The following PTPRK variants were observed in gnomAD, a reference collection of about 807,000 sequenced individuals.
The protein encoded by PTPRK is receptor-type tyrosine-protein phosphatase kappa.
A neutral mutation model predicts 178.0 loss-of-function variants in PTPRK; 75 were observed. The observed-to-expected ratio is 0.42, with a 90% CI of 0.35 to 0.51. The LOEUF (loss-of-function observed/expected upper bound fraction) is 0.51, where lower values mean the gene tolerates loss of function less well. PTPRK is among the 20% of genes least tolerant of loss of function. The pLI is 0.02. For missense variants in PTPRK, 1,441 were observed against 1,797.8 expected (o/e 0.80, Z 3.59); for synonymous variants, 637 against 620.6 (o/e 1.03, Z -0.39).
chr6:128,060,617 G>C (rs1278347363), intron 13 of PTPRK, among the ~76,000 whole-genome samples: 1 of 152,102 alleles, frequency 6.6e-6, no homozygotes, highest in Non-Finnish European at 1.5e-5. Context: ...TGATTACAAT[G>C]AAAAGACAAT....
intron 1 of PTPRK, among the ~76,000 whole-genome samples, chr6:128,403,263 A>G (rs1181386824): frequency 1.3e-5 from 2 of 152,232 alleles, no homozygotes; most frequent in Non-Finnish European, 2.9e-5. Context: ...ATAAGACTGA[A>G]TTATCCAGAA....
chr6:128,219,435 T>C (rs1340901259), intron 5 of PTPRK, among the ~76,000 whole-genome samples: 5 of 152,158 alleles, frequency 3.3e-5, no homozygotes, highest in Admixed American at 6.5e-5. Flanking sequence ...CAGTTCACAG[T>C]AGAGTTCGTG....
chr6:128,449,821 T>C (rs1214259307), intron 1 of PTPRK, among the ~76,000 whole-genome samples: 1 of 151,692 alleles, frequency 6.6e-6, no homozygotes, highest in Non-Finnish European at 1.5e-5. Context: ...GCTGGCTGGG[T>C]GCGGTGGCTC....
intron 2 of PTPRK, among the ~76,000 whole-genome samples, chr6:128,328,249 G>A (rs567780342): frequency 1.4e-4 from 21 of 152,148 alleles, no homozygotes; most frequent in Non-Finnish European, 2.8e-4. Flanking sequence ...AGGGTCAAGT[G>A]CTACTATGAC....
chr6:127,980,917 A>G (rs1044130818), intron 25 of PTPRK, among the ~76,000 whole-genome samples, 199 bp downstream of exon 25: 8 of 152,226 alleles, frequency 5.3e-5, no homozygotes, highest in African/African-American at 1.9e-4. Context: ...TCTACAATAA[A>G]GCTATAAAAA....
chr6:128,069,034 G>C (rs115229512), intron 11 of PTPRK, among the ~76,000 whole-genome samples: 5,386 of 151,964 alleles, frequency 0.035, 245 homozygotes, highest in African/African-American at 0.091. Context: ...AAACAGTTTA[G>C]ACTCTGGCAT....
intron 2 of PTPRK, among the ~76,000 whole-genome samples, chr6:128,360,132 C>G (rs911921773): frequency 3.3e-5 from 5 of 152,114 alleles, no homozygotes; most frequent in Admixed American, 2.0e-4. Flanking sequence ...TTTAAGACAA[C>G]CCATGATCTT....
chr6:128,398,950 A>G lies in PTPRK; in HGVS notation c.101-1262T>C, dbSNP rs560186756. Reference sequence around the variant, plus strand: ...CGATGTGTACAGGCACACACGACTCAACATATTTAGTTTATTCAAATCATG... The same window carrying G: ...CGATGTGTACAGGCACACACGACTCGACATATTTAGTTTATTCAAATCATG... On this transcript the variant is annotated intron_variant, in intron 1 of 29. Coordinates refer to ENST00000368226, the MANE Select transcript of PTPRK (RefSeq NM_002844.4). Among the ~76,000 whole-genome samples the G allele has an allele frequency of 2.5e-3, 388 of 152,350 alleles. 12 individuals are homozygous for G. In the South Asian group the frequency reaches 0.074, roughly 29 times the overall value.
At chr6:128,414,507 G>A (rs1461155052) in intron 1 of PTPRK, among the ~76,000 whole-genome samples, 1 of 152,158 alleles carries the variant, frequency 6.6e-6, no homozygotes, top group East Asian at 1.9e-4. Context: ...TTTAAAGAGA[G>A]CAGCTATTGT....
intron 15 of PTPRK, among the ~76,000 whole-genome samples, chr6:128,001,850 C>G (rs1777870860): frequency 6.6e-6 from 1 of 151,760 alleles, no homozygotes; most frequent in Non-Finnish European, 1.5e-5. Context: ...CCAATTAGTT[C>G]TCAATATTTT....
At chr6:128,386,311 A>T (rs1251416016) in intron 2 of PTPRK, among the ~76,000 whole-genome samples, 1 of 152,226 alleles carries the variant, frequency 6.6e-6, no homozygotes, top group Non-Finnish European at 1.5e-5. Context: ...ACATATGATA[A>T]GCTCACCAAA....
chr6:128,241,246 A>C (rs778900139), intron 4 of PTPRK: 1 of 533,398 alleles, frequency 1.9e-6, no homozygotes, highest in Non-Finnish European at 3.8e-6. Flanking sequence ...ATTTAAAATA[A>C]GGAATTCTTG....
chr6:128,360,354 A>G (rs569394111), intron 2 of PTPRK, among the ~76,000 whole-genome samples: 23 of 152,240 alleles, frequency 1.5e-4, no homozygotes, highest in African/African-American at 4.8e-4. Flanking sequence ...ATGAGACACT[A>G]ATGTTCTTAA....
intron 3 of PTPRK, among the ~76,000 whole-genome samples, chr6:128,265,718 T>C (rs1209987258): frequency 1.3e-5 from 2 of 152,178 alleles, no homozygotes; most frequent in African/African-American, 2.4e-5. Context: ...TTTGAATCTC[T>C]AAGGTGGTAC....
intron 13 of PTPRK, among the ~76,000 whole-genome samples, chr6:128,038,191 C>T (rs956155873): frequency 2.0e-5 from 3 of 152,024 alleles, no homozygotes; most frequent in Admixed American, 2.0e-4. Flanking sequence ...GGAAGAGATG[C>T]AGCAATTTTT....
At position 128,397,708 on chromosome 6, in the gene PTPRK, C is replaced by T. The variant is rs763441890; in HGVS notation, c.101-20G>A. The T allele has an allele frequency of 1.2e-6, 2 of 1,610,202 alleles. No individual in the cohort carries two copies. ...AGCCACCTAGGAGAAAAGAAGACTA[C>T]TGTTACATTCTAAACAGATTTTCCA... On this transcript the variant is annotated intron_variant, in intron 1 of 29. Transcript: ENST00000368226.
At chr6:128,367,239 G>T (rs528757300) in intron 2 of PTPRK, among the ~76,000 whole-genome samples, 11 of 152,128 alleles carry the variant, frequency 7.2e-5, no homozygotes, top group Admixed American at 2.0e-4. Flanking sequence ...CTGCATGCTG[G>T]TTTTCCAACA....
intron 1 of PTPRK, among the ~76,000 whole-genome samples, chr6:128,492,521 CTTAT>C (rs148817687): frequency 0.012 from 1,819 of 152,204 alleles, 34 homozygotes; most frequent in African/African-American, 0.042. Flanking sequence ...GAGCTTGAAA[CTTAT>C]TTGTCTTTTA....
rs540824407 is a variant in PTPRK at position 128,098,246 on chromosome 6, T to C, written c.1163-8254A>G. 6.0e-4 allele frequency among the ~76,000 whole-genome samples: 92 copies of C among 152,286 alleles called. 1 individual carries two copies. Among genetic ancestry groups the C allele is most frequent in the African/African-American group, 2.1e-3 (88 of 41,560 alleles). On this transcript the variant is annotated intron_variant, in intron 7 of 29. Transcript: ENST00000368226. ...TGAAATAATTCCAATTATTCATTTC[T>C]TCTTGTTGTCACACTGTTTGCCATG...
Sources: allele counts gnomAD v4.1 joint callset (sites outside exome capture counted in the v4.1 genomes callset), GRCh38; gene constraint gnomAD v4.1.1; transcripts MANE v1.5; gene names NCBI Gene and HGNC (gene_info 2026-07-23, HGNC 2026-07-21).